The following RANBP17 variants were observed in gnomAD, a reference collection of about 807,000 sequenced individuals.
The protein encoded by RANBP17 is ran-binding protein 17.
RANBP17 carries 158 observed loss-of-function variants against 141.2 expected under a neutral mutation model. The ratio of observed to expected loss-of-function variants is 1.12; its 90% CI spans 0.98 to 1.28. The LOEUF (loss-of-function observed/expected upper bound fraction) is 1.28, where lower values mean the gene tolerates loss of function less well. RANBP17 is among the 50% of genes most tolerant of loss of function. The pLI is 0.00. For missense variants in RANBP17, 1,438 were observed against 1,290.7 expected, an observed-to-expected ratio of 1.11 and a Z score of -1.75; for synonymous variants, 430 against 450.0, an observed-to-expected ratio of 0.96 and a Z score of 0.56.
chr5:171,267,562 C>T (rs1297863997), intron 25 of RANBP17, among the ~76,000 whole-genome samples: 1 of 151,964 alleles, frequency 6.6e-6, no homozygotes, highest in African/African-American at 2.4e-5. Flanking sequence ...AATCTCAGCA[C>T]CTTTGGGAGG....
At chr5:171,036,759 G>A (rs1199722248) in intron 14 of RANBP17, among the ~76,000 whole-genome samples, 1 of 152,132 alleles carries the variant, frequency 6.6e-6, no homozygotes, top group South Asian at 2.1e-4. Context: ...TTACTGCAGA[G>A]GACATGATTT....
chr5:170,888,806 C>T (rs1034876479), intron 3 of RANBP17, among the ~76,000 whole-genome samples: 3 of 152,010 alleles, frequency 2.0e-5, no homozygotes, highest in East Asian at 1.9e-4. Context: ...AGTTTCTCAC[C>T]ATTAAATATG....
chr5:171,048,844 T>C (rs943477406), intron 14 of RANBP17, among the ~76,000 whole-genome samples: 1 of 152,218 alleles, frequency 6.6e-6, no homozygotes, highest in Non-Finnish European at 1.5e-5. Flanking sequence ...TAGTGCACAG[T>C]GTGTATGTGC....
At chr5:170,892,628 C>T (rs558055947) in intron 4 of RANBP17, 75 bp downstream of exon 4, 32 of 1,151,428 alleles carry the variant, frequency 2.8e-5, no homozygotes, top group African/African-American at 4.7e-5. Context: ...CTTCTTAAAG[C>T]GATATAGTTT....
chr5:170,989,569 G>A (rs1778370576), intron 14 of RANBP17, among the ~76,000 whole-genome samples: 1 of 151,660 alleles, frequency 6.6e-6, no homozygotes, highest in Admixed American at 6.6e-5. Context: ...ATGTTATACT[G>A]TTTTGGTAGG....
In RANBP17 at chr5:171,293,923, G is replaced by A. The variant is rs748355552; in HGVS notation, c.2984G>A (p.Cys995Tyr). 1 of 1,613,950 alleles carries A rather than the reference G, an allele frequency of 6.2e-7. No homozygotes were observed. Among genetic ancestry groups the A allele is most frequent in the Admixed American group, 1.7e-5 (1 of 60,024 alleles). ...VLMNTIVFED[C>Y]RNQWSVSRPL... ...ATGAACACCATTGTCTTTGAAGACT[G>A]TCGGAACCAGTGGTCAGTATCCAGG... The change falls in exon 26 of 28, where the codon TGT becomes TAT. Residue 995 changes from cysteine to tyrosine, a missense_variant. Transcript: ENST00000523189.
intron 25 of RANBP17, among the ~76,000 whole-genome samples, chr5:171,270,564 T>C (rs1330294441): frequency 9.9e-5 from 15 of 152,166 alleles, no homozygotes; most frequent in Admixed American, 8.5e-4. Flanking sequence ...AACATTTCTA[T>C]GTGAAATTTT....
chr5:171,213,506 G>A (rs1763032603), intron 20 of RANBP17, 125 bp from the exon 21 acceptor site: 1 of 690,290 alleles, frequency 1.4e-6, no homozygotes, highest in South Asian at 1.8e-5. Flanking sequence ...TATAGACATA[G>A]AACAAATTAG....
chr5:170,920,367 A>G (rs1014529785), intron 11 of RANBP17, among the ~76,000 whole-genome samples: 1 of 152,134 alleles, frequency 6.6e-6, no homozygotes, highest in African/African-American at 2.4e-5. Context: ...TCTAATAACT[A>G]TGTAGTGGTA....
intron 18 of RANBP17, among the ~76,000 whole-genome samples, chr5:171,187,804 G>GA (rs1300351581): frequency 6.6e-6 from 1 of 152,102 alleles, no homozygotes; most frequent in East Asian, 1.9e-4. Flanking sequence ...TCTCATATTT[G>GA]AATACTGCAG....
intron 25 of RANBP17, among the ~76,000 whole-genome samples, chr5:171,282,486 G>A (rs1312546408): frequency 6.7e-6 from 1 of 150,326 alleles, no homozygotes; most frequent in Non-Finnish European, 1.5e-5. Flanking sequence ...TGTTGTTGTT[G>A]TTGTTGTTGT....
intron 16 of RANBP17, among the ~76,000 whole-genome samples, chr5:171,171,856 AT>A (rs536315840): frequency 6.6e-6 from 1 of 151,978 alleles, no homozygotes; most frequent in Non-Finnish European, 1.5e-5. Context: ...CTAAAATAAG[AT>A]TCCCCATTAT....
intron 14 of RANBP17, among the ~76,000 whole-genome samples, chr5:170,999,012 T>TA (rs35341710): frequency 6.6e-6 from 1 of 152,090 alleles, no homozygotes; most frequent in Non-Finnish European, 1.5e-5. Context: ...GTGAGGCAGT[T>TA]AAAAAAATTT....
chr5:171,080,372 T>G (rs1016211674), intron 14 of RANBP17, among the ~76,000 whole-genome samples: 2 of 152,108 alleles, frequency 1.3e-5, no homozygotes, highest in Admixed American at 6.5e-5. Flanking sequence ...TTGCCAAACC[T>G]TTTTTTCCAC....
At chr5:170,975,402 G>A (rs902792904) in intron 14 of RANBP17, among the ~76,000 whole-genome samples, 7 of 152,236 alleles carry the variant, frequency 4.6e-5, no homozygotes, top group Admixed American at 2.0e-4. Context: ...GGTGGCACGT[G>A]CCTGTAATCT....
At chr5:171,104,287 T>C (rs954633015) in intron 14 of RANBP17, among the ~76,000 whole-genome samples, 3 of 152,198 alleles carry the variant, frequency 2.0e-5, no homozygotes, top group African/African-American at 7.2e-5. Flanking sequence ...TCCGCCCGCC[T>C]CAGCTTCCCA....
chr5:171,170,187 A>G lies in RANBP17; in HGVS notation c.1768A>G (p.Thr590Ala). 1.3e-6 allele frequency: 2 copies of G among 1,564,828 alleles called. No individual in the cohort carries two copies. The highest frequency in any genetic ancestry group is 1.7e-6 in the Non-Finnish European group (2 of 1,151,956). The change falls in exon 15 of 28, where the codon ACG becomes GCG. Residue 590 changes from threonine (T) to alanine (A), a missense_variant. Thr to Ala is a moderately conservative substitution (Grantham distance 58). Transcript: ENST00000523189. ...AACAGATGACAACCACGTTCTAGAG[A>G]CGTTCATGACAAAAATGTGAGTTCT... ...GITDDNHVLETFMTKIVTNLK... is the reference protein window; with the variant it reads ...GITDDNHVLEAFMTKIVTNLK...
chr5:170,943,294 T>G (rs535310276), intron 12 of RANBP17, among the ~76,000 whole-genome samples: 4 of 152,282 alleles, frequency 2.6e-5, no homozygotes, highest in Admixed American at 2.6e-4. Context: ...GCTTTTAATG[T>G]TACAAAATAA....
chr5:170,906,606 A>G lies in RANBP17; in HGVS notation c.490-3055A>G, dbSNP rs949958631. ...TACATATTTTGTGAAAAGGTACTTA[A>G]GTCTCTGAAAATATCTTGTTCCTTA... On this transcript the variant is annotated intron_variant, in intron 5 of 27. Transcript: ENST00000523189. Among the ~76,000 whole-genome samples the G allele has an allele frequency of 5.3e-5, 8 of 152,092 alleles. No individual in the cohort carries two copies. The East Asian group carries it at 1.5e-3, about 29-fold the overall frequency.
Sources: allele counts gnomAD v4.1 joint callset (sites outside exome capture counted in the v4.1 genomes callset), GRCh38; gene constraint gnomAD v4.1.1; transcripts MANE v1.5; gene names NCBI Gene and HGNC (gene_info 2026-07-23, HGNC 2026-07-21).